COL25A1: variants seen among roughly 807,000 people sequenced by gnomAD.
The protein encoded by COL25A1 is collagen type XXV alpha 1 chain, also known as collagen alpha-1(XXV) chain.
A neutral mutation model predicts 128.4 loss-of-function variants in COL25A1; 103 were observed. That is an observed-to-expected ratio of 0.80 (90% CI 0.68 to 0.94). COL25A1 has a LOEUF of 0.94. Among genes scored for constraint, COL25A1 ranks in the 40% least tolerant of loss-of-function variants. The pLI is 0.00. For missense variants in COL25A1, 745 were observed against 840.0 expected, an observed-to-expected ratio of 0.89 and a Z score of 1.40; for synonymous variants, 279 against 277.2, an observed-to-expected ratio of 1.01 and a Z score of -0.06.
intron 3 of COL25A1, among the ~76,000 whole-genome samples, chr4:109,139,726 G>C (rs1221954919): frequency 1.3e-5 from 2 of 151,884 alleles, no homozygotes; most frequent in Admixed American, 1.3e-4. Context: ...ACAATGTGTA[G>C]GTTAGTTACA....
At chr4:108,952,363 T>A (rs1749535314) in intron 8 of COL25A1, among the ~76,000 whole-genome samples, 1 of 151,706 alleles carries the variant, frequency 6.6e-6, no homozygotes, top group African/African-American at 2.4e-5. Context: ...ATGAAAAAAA[T>A]TCTCCAGAAG....
At chr4:109,229,536 C>A (rs1164893248) in intron 3 of COL25A1, among the ~76,000 whole-genome samples, 1 of 152,192 alleles carries the variant, frequency 6.6e-6, no homozygotes, top group Non-Finnish European at 1.5e-5. Flanking sequence ...CCATAAGACA[C>A]GTTACAGACT....
At chr4:108,933,072 G>T (rs1192655612) in intron 11 of COL25A1, among the ~76,000 whole-genome samples, 1 of 152,102 alleles carries the variant, frequency 6.6e-6, no homozygotes, top group Non-Finnish European at 1.5e-5. Flanking sequence ...TGAGCTGCAG[G>T]TTTTCTTTTT....
rs577109939 is a variant in COL25A1 at position 108,956,670 on chromosome 4, T to G, written c.493-15233A>C. Among the ~76,000 whole-genome samples the G allele has an allele frequency of 3.3e-5, 5 of 152,336 alleles. No homozygotes were observed. The South Asian group carries it at 1.0e-3, about 32-fold the overall frequency. ...ATCCACCTGCTTTGGCCTCCCAAAG[T>G]GCTGGGATTACAGGCATGAGCCACC... On this transcript the variant is annotated intron_variant, in intron 8 of 37. Coordinates refer to ENST00000399132, the MANE Select transcript of COL25A1 (RefSeq NM_198721.4).
chr4:108,853,530 T>G (rs7671319), intron 24 of COL25A1, among the ~76,000 whole-genome samples: 92,728 of 151,852 alleles, frequency 0.61, 29,729 homozygotes, highest in South Asian at 0.76. Flanking sequence ...TTGATTGATT[T>G]ATTATACTTA....
intron 3 of COL25A1, among the ~76,000 whole-genome samples, chr4:109,060,824 T>G (rs1158320129): frequency 6.6e-6 from 1 of 152,180 alleles, no homozygotes; most frequent in Non-Finnish European, 1.5e-5. Flanking sequence ...TTCCCTCACA[T>G]TCTTGTGAAA....
intron 32 of COL25A1, among the ~76,000 whole-genome samples, chr4:108,827,925 C>A (rs111302731): frequency 4.6e-5 from 7 of 152,254 alleles, no homozygotes; most frequent in Admixed American, 2.0e-4. Flanking sequence ...CCTTAGACAC[C>A]AGAAGACCCA....
intron 37 of COL25A1, among the ~76,000 whole-genome samples, chr4:108,816,835 ACTT>A (rs1560692581): frequency 6.6e-6 from 1 of 152,148 alleles, no homozygotes; most frequent in Non-Finnish European, 1.5e-5. Flanking sequence ...TAAAGAATAA[ACTT>A]CTTTCATCAC....
intron 31 of COL25A1, among the ~76,000 whole-genome samples, chr4:108,837,602 C>G (rs144821189): frequency 5.1e-4 from 78 of 152,240 alleles, no homozygotes; most frequent in Non-Finnish European, 8.5e-4. Context: ...ACATAAAACA[C>G]GTAGAACATG....
chr4:108,963,263 A>G (rs1578907068), intron 8 of COL25A1, among the ~76,000 whole-genome samples: 1 of 152,314 alleles, frequency 6.6e-6, no homozygotes, highest in African/African-American at 2.4e-5. Flanking sequence ...TTCACTTCAA[A>G]TATTTCCAGT....
chr4:109,165,586 G>A (rs776152443), intron 3 of COL25A1, among the ~76,000 whole-genome samples: 21 of 152,034 alleles, frequency 1.4e-4, no homozygotes, highest in Admixed American at 7.2e-4. Flanking sequence ...GTGTGGTGGG[G>A]CACACCTGTA....
rs577883608 is a variant in COL25A1 at position 109,216,126 on chromosome 4, C to T, written c.367+84457G>A. Reference sequence around the variant, plus strand: ...AAGATGTTCTATATGTTAAATGTCACTTGTCTATTGACTTAGAATATAAGT... The same window carrying T: ...AAGATGTTCTATATGTTAAATGTCATTTGTCTATTGACTTAGAATATAAGT... On this transcript the variant is annotated intron_variant, in intron 3 of 37. Coordinates refer to ENST00000399132, the MANE Select transcript of COL25A1 (RefSeq NM_198721.4). Among the ~76,000 whole-genome samples the T allele has an allele frequency of 3.3e-5, 5 of 152,204 alleles. No homozygotes were observed. In the South Asian group the frequency reaches 1.0e-3, roughly 32 times the overall value.
chr4:109,135,605 G>A (rs1769657134), intron 3 of COL25A1, among the ~76,000 whole-genome samples: 1 of 151,898 alleles, frequency 6.6e-6, no homozygotes, highest in Non-Finnish European at 1.5e-5. Flanking sequence ...AGTCAAAATG[G>A]GGACTGGTTC....
chr4:108,886,191 A>G (rs1404884885), intron 18 of COL25A1, among the ~76,000 whole-genome samples: 4 of 152,148 alleles, frequency 2.6e-5, no homozygotes, highest in African/African-American at 9.7e-5. Flanking sequence ...TGACCTTTCA[A>G]GTTTATGTTT....
At chr4:108,829,045 T>C (rs902609407) in intron 32 of COL25A1, among the ~76,000 whole-genome samples, 2 of 152,198 alleles carry the variant, frequency 1.3e-5, no homozygotes, top group African/African-American at 4.8e-5. Flanking sequence ...CATTATTACT[T>C]TACGGTTATT....
chr4:108,984,485 G>T (rs992128202), intron 6 of COL25A1, among the ~76,000 whole-genome samples: 11 of 152,216 alleles, frequency 7.2e-5, no homozygotes, highest in Non-Finnish European at 1.0e-4. Context: ...AGACCATGAG[G>T]GGGGCGGGAG....
chr4:108,819,291 G>T lies in COL25A1; in HGVS notation c.1884C>A (p.Gly628=). 1.2e-6 allele frequency: 2 copies of T among 1,613,456 alleles called. No homozygotes were observed. Among genetic ancestry groups the T allele is most frequent in the Non-Finnish European group, 1.7e-6 (2 of 1,179,760 alleles). The change falls in exon 36 of 38, where the codon GGC becomes GGA. Residue 628 remains glycine (G), a synonymous_variant. Coordinates refer to ENST00000399132, the MANE Select transcript of COL25A1 (RefSeq NM_198721.4). ...RGVKGEKGEP[G]QPGLDGLDAP... ...CATCCAGCCCATCCAGGCCAGGCTGGCCTGGCTCCCCTTTTTCCCCCTTAA... is the reference window on the plus strand; with the variant it reads ...CATCCAGCCCATCCAGGCCAGGCTGTCCTGGCTCCCCTTTTTCCCCCTTAA...
intron 3 of COL25A1, among the ~76,000 whole-genome samples, chr4:109,112,586 G>A (rs531670808): frequency 1.1e-4 from 16 of 151,646 alleles, no homozygotes; most frequent in Non-Finnish European, 1.5e-5. Flanking sequence ...TATCTCCTCA[G>A]TTTATATTAA....
At chr4:108,966,128 C>G (rs1025497532) in intron 8 of COL25A1, among the ~76,000 whole-genome samples, 1 of 152,154 alleles carries the variant, frequency 6.6e-6, no homozygotes, top group African/African-American at 2.4e-5. Context: ...CATTGCCCTG[C>G]CTCTCTTTGC....
Sources: allele counts gnomAD v4.1 joint callset (sites outside exome capture counted in the v4.1 genomes callset), GRCh38; gene constraint gnomAD v4.1.1; transcripts MANE v1.5; gene names NCBI Gene and HGNC (gene_info 2026-07-23, HGNC 2026-07-21).